The following ROBO2 variants were observed in gnomAD, a reference collection of about 807,000 sequenced individuals.
The protein encoded by ROBO2 is roundabout guidance receptor 2.
ROBO2 carries 53 observed loss-of-function variants against 160.8 expected under a neutral mutation model. The ratio of observed to expected loss-of-function variants is 0.33; its 90% CI spans 0.26 to 0.41. The LOEUF is 0.41. ROBO2 is among the 10% of genes least tolerant of loss of function. The pLI is 1.00. For missense variants in ROBO2, 1,577 were observed against 1,722.4 expected (o/e 0.92, Z 1.49); for synonymous variants, 664 against 611.7 (o/e 1.09, Z -1.26).
intron 2 of ROBO2, among the ~76,000 whole-genome samples, chr3:76,111,254 A>G (rs1250562035): frequency 6.6e-6 from 1 of 151,992 alleles, no homozygotes. Context: ...ACAGAGGCAG[A>G]GATTAGAGTG....
chr3:77,425,002 T>C (rs1275334429), intron 2 of ROBO2, among the ~76,000 whole-genome samples: 1 of 152,120 alleles, frequency 6.6e-6, no homozygotes, highest in Admixed American at 6.5e-5. Context: ...ATAAATACCA[T>C]AGATAAAGAG....
At chr3:76,395,438 T>C (rs564451506) in intron 2 of ROBO2, among the ~76,000 whole-genome samples, 7 of 129,076 alleles carry the variant, frequency 5.4e-5, no homozygotes, top group Admixed American at 8.2e-5. Context: ...AGAGCAAACA[T>C]ATTCAAAAGC....
chr3:77,409,962 A>T (rs967368883), intron 2 of ROBO2, among the ~76,000 whole-genome samples: 2 of 152,200 alleles, frequency 1.3e-5, no homozygotes, highest in Non-Finnish European at 2.9e-5. Context: ...TAAAAATACA[A>T]GTAAAACAGA....
intron 2 of ROBO2, among the ~76,000 whole-genome samples, chr3:76,696,484 G>T (rs1424943823): frequency 6.6e-6 from 1 of 151,484 alleles, no homozygotes; most frequent in East Asian, 1.9e-4. Flanking sequence ...CGAATGCCTG[G>T]GTTTATATCC....
intron 2 of ROBO2, among the ~76,000 whole-genome samples, chr3:76,789,678 A>G (rs2063223915): frequency 6.6e-6 from 1 of 151,696 alleles, no homozygotes; most frequent in Admixed American, 6.6e-5. Flanking sequence ...ACTCAAATCA[A>G]TGTAGAGTTT....
chr3:77,404,403 A>G lies in ROBO2; in HGVS notation c.389-73011A>G, dbSNP rs528012058. 2.6e-5 allele frequency among the ~76,000 whole-genome samples: 4 copies of G among 152,302 alleles called. No individual in the cohort carries two copies. The East Asian group carries it at 5.8e-4, about 22-fold the overall frequency. On this transcript the variant is annotated intron_variant, in intron 2 of 25. Coordinates refer to ENST00000461745, the Ensembl canonical transcript of ROBO2. The stretch of plus-strand genomic sequence containing the variant: ...GTTGGACAACTAGCTCAGACATTTT[A>G]AGAGCCTACAGATGTCATTATTAAA...
chr3:76,745,960 T>A (rs1206720987), intron 2 of ROBO2, among the ~76,000 whole-genome samples: 6 of 147,862 alleles, frequency 4.1e-5, no homozygotes, highest in Middle Eastern at 3.2e-3. Context: ...ATTAGGTATA[T>A]CTCCTAATGC....
At chr3:77,371,216 C>T (rs12492316) in intron 2 of ROBO2, among the ~76,000 whole-genome samples, 61,637 of 152,014 alleles carry the variant, frequency 0.41, 13,232 homozygotes, top group East Asian at 0.72. Flanking sequence ...AGAACACTAG[C>T]CCATTCACAA....
chr3:76,079,668 T>C (rs956977577), intron 2 of ROBO2, among the ~76,000 whole-genome samples: 14 of 151,856 alleles, frequency 9.2e-5, no homozygotes, highest in African/African-American at 3.1e-4. Flanking sequence ...TGTATTTTAG[T>C]AAAGATGGGG....
At chr3:77,270,599 T>C (rs2059422467) in intron 2 of ROBO2, among the ~76,000 whole-genome samples, 1 of 152,140 alleles carries the variant, frequency 6.6e-6, no homozygotes, top group East Asian at 1.9e-4. Flanking sequence ...TTACTTAGGA[T>C]TGAAATGGCA....
chr3:76,825,281 G>C (rs1469299578), intron 2 of ROBO2, among the ~76,000 whole-genome samples: 3 of 152,114 alleles, frequency 2.0e-5, no homozygotes, highest in Non-Finnish European at 4.4e-5. Flanking sequence ...ATAAATGGAT[G>C]ACTGGCACAC....
intron 2 of ROBO2, among the ~76,000 whole-genome samples, chr3:77,246,327 ATGTGTGTGTGTG>A (rs71104664): frequency 1.4e-5 from 2 of 145,732 alleles, no homozygotes; most frequent in Non-Finnish European, 3.0e-5. Flanking sequence ...GTGTATGTGT[ATGTGTGTGTGTG>A]TGTGTGTGTG....
chr3:77,001,306 G>A (rs547001492), intron 2 of ROBO2, among the ~76,000 whole-genome samples: 16 of 152,178 alleles, frequency 1.1e-4, no homozygotes, highest in African/African-American at 3.1e-4. Context: ...ATCAGTTTAC[G>A]GACTTATTAA....
chr3:77,563,123 C>T lies in ROBO2; in HGVS notation c.1520-44C>T. On this transcript the variant is annotated intron_variant, in intron 10 of 25. Coordinates refer to ENST00000461745, the Ensembl canonical transcript of ROBO2. The stretch of plus-strand genomic sequence containing the variant: ...TCCTTCTTTTAGGCAGTATTGTCAA[C>T]TTATGCAATCAGGAATGAAGTTTTT... The T allele has an allele frequency of 3.1e-6, 5 of 1,595,694 alleles. No homozygotes were observed. The South Asian group carries it at 4.4e-5, about 14-fold the overall frequency.
intron 2 of ROBO2, among the ~76,000 whole-genome samples, chr3:77,168,164 C>T (rs1212525612): frequency 2.0e-5 from 3 of 152,186 alleles, no homozygotes; most frequent in South Asian, 2.1e-4. Context: ...GGCATTTCAT[C>T]GTTACAGACA....
intron 2 of ROBO2, among the ~76,000 whole-genome samples, chr3:76,671,715 T>A (rs2092269028): frequency 6.6e-6 from 1 of 152,180 alleles, no homozygotes; most frequent in African/African-American, 2.4e-5. Flanking sequence ...AGAAAATACA[T>A]CTTTTTGAAA....
intron 2 of ROBO2, among the ~76,000 whole-genome samples, chr3:76,584,008 C>T (rs1358106930): frequency 6.6e-6 from 1 of 152,136 alleles, no homozygotes; most frequent in Admixed American, 6.5e-5. Context: ...TGGGATAGCG[C>T]TTGAATTTCC....
intron 2 of ROBO2, among the ~76,000 whole-genome samples, chr3:76,443,408 CT>C (rs1196637190): frequency 1.3e-5 from 2 of 152,100 alleles, no homozygotes; most frequent in Non-Finnish European, 2.9e-5. Context: ...CACTGAGAGT[CT>C]TGCGATGTAT....
intron 12 of ROBO2, among the ~76,000 whole-genome samples, chr3:77,565,416 C>T (rs1471114213): frequency 6.6e-6 from 1 of 152,030 alleles, no homozygotes; most frequent in African/African-American, 2.4e-5. Flanking sequence ...GTTTCTCCTT[C>T]TTTAAAATTA....
Sources: gnomAD v4.1 joint callset for allele counts (sites outside exome capture counted in the v4.1 genomes callset) on GRCh38, gnomAD v4.1.1 for gene constraint, MANE v1.5 for transcripts, NCBI Gene and HGNC (gene_info 2026-07-23, HGNC 2026-07-21) for gene names.